LYPLA1: variants seen among roughly 807,000 people sequenced by gnomAD.
The protein encoded by LYPLA1 is acyl-protein thioesterase 1.
LYPLA1 carries 17 observed loss-of-function variants against 34.0 expected under a neutral mutation model. The ratio of observed to expected loss-of-function variants is 0.50; its 90% CI spans 0.34 to 0.75. The LOEUF (loss-of-function observed/expected upper bound fraction) is 0.75. LYPLA1 is among the 30% of genes least tolerant of loss of function. The probability of loss-of-function intolerance (pLI) is 0.01; values close to 1 mark genes in which losing one functional copy is unlikely to be tolerated. For missense variants in LYPLA1, 203 were observed against 288.8 expected, an observed-to-expected ratio of 0.70 and a Z score of 2.15; for synonymous variants, 98 against 100.8, an observed-to-expected ratio of 0.97 and a Z score of 0.17.
chr8:54,091,619 AG>A (rs1441596887), intron 2 of LYPLA1, among the ~76,000 whole-genome samples: 4 of 149,012 alleles, frequency 2.7e-5, no homozygotes, highest in Non-Finnish European at 6.0e-5. Flanking sequence ...GAAGGAAGGA[AG>A]GAAGGAGAAA....
intron 2 of LYPLA1, among the ~76,000 whole-genome samples, chr8:54,092,683 C>G (rs1809389865): frequency 6.6e-6 from 1 of 152,106 alleles, no homozygotes; most frequent in Non-Finnish European, 1.5e-5. Context: ...ATGAAAAACT[C>G]AAGATTTAAG....
intron 2 of LYPLA1, among the ~76,000 whole-genome samples, chr8:54,084,788 CCTAGA>C (rs1226607295): frequency 6.6e-6 from 1 of 152,112 alleles, no homozygotes; most frequent in Non-Finnish European, 1.5e-5. Flanking sequence ...AATTAGATAA[CCTAGA>C]CTAAATAGAC....
Position 54,065,766 on chromosome 8 carries a change from T to G in LYPLA1, c.149A>C (p.Lys50Thr). Residue 50 changes from lysine to threonine, a missense_variant, in exon 3 of 9, where the codon AAA becomes ACA. Coordinates refer to ENST00000316963, the MANE Select transcript of LYPLA1 (RefSeq NM_006330.4). ...AFAGIRSSHI[K>T]YICPHAPVRP... ...TACTCACGCATGCGGGCAGATATAT[T>G]TGATATGTGAACTTCTGATACCTGC... is the stretch of plus-strand genomic sequence containing the variant. The G allele has an allele frequency of 6.2e-7, 1 of 1,613,818 alleles. No homozygotes were observed. The highest frequency in any genetic ancestry group is 8.5e-7 in the Non-Finnish European group (1 of 1,179,814).
At chr8:54,055,252 G>A (rs1273230867) in intron 5 of LYPLA1, 119 bp from the exon 6 acceptor site, 3 of 592,048 alleles carry the variant, frequency 5.1e-6, no homozygotes, top group Non-Finnish European at 9.0e-6. Context: ...GGAAATGAGT[G>A]AAAAATTCAA....
At chr8:54,055,887 C>T (rs972283980) in intron 5 of LYPLA1, among the ~76,000 whole-genome samples, 11 of 152,050 alleles carry the variant, frequency 7.2e-5, no homozygotes, top group Admixed American at 5.2e-4. Flanking sequence ...GAGATCCGCC[C>T]GCCTCGGCCT....
intron 2 of LYPLA1, chr8:54,073,353 G>T: frequency 1.2e-6 from 1 of 821,702 alleles, no homozygotes; most frequent in Admixed American, 1.7e-5. Context: ...AGAACTGTGG[G>T]TCTGTGCCCC....
chr8:54,071,604 C>T (rs775537022), intron 2 of LYPLA1, among the ~76,000 whole-genome samples: 1 of 151,988 alleles, frequency 6.6e-6, no homozygotes, highest in Non-Finnish European at 1.5e-5. Context: ...GTACAAAAAG[C>T]ACACATTTTA....
intron 2 of LYPLA1, among the ~76,000 whole-genome samples, chr8:54,071,875 G>T (rs1304817263): frequency 6.6e-6 from 1 of 152,014 alleles, no homozygotes; most frequent in African/African-American, 2.4e-5. Context: ...ACGGAATTAG[G>T]AAAAAATGTT....
Position 54,059,610 on chromosome 8 carries a change from CCT to C in LYPLA1, c.286+2642_286+2643del, listed in dbSNP as rs964982843. Among the ~76,000 whole-genome samples, 14 of 152,118 alleles carry C rather than the reference CCT, an allele frequency of 9.2e-5. 3 individuals are homozygous for C. The highest frequency in any genetic ancestry group is 3.4e-4 in the African/African-American group (14 of 41,396). On this transcript the variant is annotated intron_variant, in intron 5 of 8. Coordinates refer to ENST00000316963, the MANE Select transcript of LYPLA1 (RefSeq NM_006330.4). ...TGAGCCACCGCGCCCGGCCATTTTC[CCT>C]GTTTTAAAGACCTTAAAGAGTTCTT...
chr8:54,081,884 C>G (rs966026196), intron 2 of LYPLA1, among the ~76,000 whole-genome samples: 1 of 152,054 alleles, frequency 6.6e-6, no homozygotes. Context: ...CATGTGCCAC[C>G]ACACCTGGCT....
At chr8:54,101,618 A>G (rs897175308) in intron 1 of LYPLA1, 137 bp downstream of exon 1, 1 of 1,142,830 alleles carries the variant, frequency 8.8e-7, no homozygotes, top group Non-Finnish European at 1.1e-6. Context: ...CGCGCGGACC[A>G]TTCGCACCCC....
chr8:54,080,217 T>G (rs1264015033), intron 2 of LYPLA1, among the ~76,000 whole-genome samples: 1 of 151,962 alleles, frequency 6.6e-6, no homozygotes, highest in Non-Finnish European at 1.5e-5. Flanking sequence ...CAAAACCCTG[T>G]CTCTACAAAA....
rs1304087275 is a variant in LYPLA1, at chr8:54,046,374, A to G, written c.*1691T>C. 6.6e-6 allele frequency: 1 copy of G among 152,660 alleles called. No individual in the cohort carries two copies. Among genetic ancestry groups the G allele is most frequent in the African/African-American group, 2.4e-5 (1 of 41,468 alleles). The allele number at this position is 152,660 out of a possible 1,614,324, so 9.5% of individuals were successfully genotyped here. A position where few individuals can be genotyped will look rare whatever the true frequency, so the allele number is the denominator to read the frequency against. ...ATATTAAAATACTCAAAGTCACAGA[A>G]AAGTCAGAATTAAATTTTATTTCAC... On this transcript the variant is annotated 3_prime_UTR_variant, in exon 9 of 9. Coordinates refer to ENST00000316963, the MANE Select transcript of LYPLA1 (RefSeq NM_006330.4).
At chr8:54,095,169 T>A (rs1375297588) in intron 2 of LYPLA1, among the ~76,000 whole-genome samples, 8 of 152,106 alleles carry the variant, frequency 5.3e-5, no homozygotes, top group Non-Finnish European at 8.8e-5. Flanking sequence ...GCTAGTTTTT[T>A]AATTTTTAGT....
chr8:54,053,872 A>G (rs1236109660), intron 6 of LYPLA1, among the ~76,000 whole-genome samples: 3 of 152,334 alleles, frequency 2.0e-5, no homozygotes, highest in Admixed American at 6.5e-5. Flanking sequence ...ATAGGATGCC[A>G]CAGACTCATT....
At chr8:54,064,867 G>A (rs908647688) in intron 3 of LYPLA1, among the ~76,000 whole-genome samples, 28 of 150,694 alleles carry the variant, frequency 1.9e-4, no homozygotes, top group African/African-American at 5.4e-4. Flanking sequence ...TTTAAAAATC[G>A]CAAAAAAAAA....
chr8:54,092,463 C>T lies in LYPLA1; in HGVS notation c.101+8445G>A, dbSNP rs566723446. On this transcript the variant is annotated intron_variant, in intron 2 of 8. Transcript: ENST00000316963. ...CTCAATCAGAAACTGGCAGTGGGGC[C>T]CAAGAATCAAGTCTTTCAAGTGATT... Among the ~76,000 whole-genome samples the T allele has an allele frequency of 2.0e-5, 3 of 152,078 alleles. No homozygotes were observed. The East Asian group carries it at 5.8e-4, about 29-fold the overall frequency.
intron 2 of LYPLA1, among the ~76,000 whole-genome samples, chr8:54,080,517 C>A (rs986550361): frequency 6.6e-6 from 1 of 152,044 alleles, no homozygotes. Flanking sequence ...TTTACACTTA[C>A]GAAGTATATT....
Position 54,082,822 on chromosome 8 carries a change from G to T in LYPLA1, c.102-17009C>A, listed in dbSNP as rs556086538. Among the ~76,000 whole-genome samples, 8 of 151,150 alleles carry T rather than the reference G, an allele frequency of 5.3e-5. No homozygotes were observed. In the South Asian group the frequency reaches 1.7e-3, roughly 31 times the overall value. The stretch of plus-strand genomic sequence containing the variant: ...GCTCACTGCAAGCCCCGCCTCCCAG[G>T]TTCACGCCATTCTCCCGCCTCAGCC... On this transcript the variant is annotated intron_variant, in intron 2 of 8. Transcript: ENST00000316963.
Sources: gnomAD v4.1 joint callset for allele counts (sites outside exome capture counted in the v4.1 genomes callset) on GRCh38, gnomAD v4.1.1 for gene constraint, MANE v1.5 for transcripts, NCBI Gene and HGNC (gene_info 2026-07-23, HGNC 2026-07-21) for gene names.